GRM5: variants seen among roughly 807,000 people sequenced by gnomAD.
GRM5 encodes glutamate metabotropic receptor 5.
In GRM5, 19 loss-of-function variants were observed where a neutral mutation model predicts 83.1. The observed-to-expected ratio is 0.23, with a 90% CI of 0.16 to 0.34. The LOEUF (loss-of-function observed/expected upper bound fraction) is 0.34, where lower values mean the gene tolerates loss of function less well. GRM5 is among the 10% of genes least tolerant of loss of function. GRM5 has a pLI of 1.00. For missense variants in GRM5, 1,160 were observed against 1,588.3 expected, an observed-to-expected ratio of 0.73 and a Z score of 4.58; for synonymous variants, 675 against 633.6, an observed-to-expected ratio of 1.07 and a Z score of -0.98.
At chr11:88,742,303 T>A (rs991009330) in intron 3 of GRM5, among the ~76,000 whole-genome samples, 2 of 151,948 alleles carry the variant, frequency 1.3e-5, no homozygotes, top group Non-Finnish European at 2.9e-5. Context: ...TTTTCTGAAA[T>A]AAGCAGGAAT....
chr11:88,754,447 G>C (rs1048432085), intron 3 of GRM5, among the ~76,000 whole-genome samples: 5 of 152,024 alleles, frequency 3.3e-5, no homozygotes, highest in Non-Finnish European at 7.4e-5. Context: ...AGTTGAAGAA[G>C]AAAATTAATT....
chr11:88,932,094 T>C (rs1335901310), intron 2 of GRM5, among the ~76,000 whole-genome samples: 1 of 152,070 alleles, frequency 6.6e-6, no homozygotes, highest in Admixed American at 6.6e-5. Context: ...CAAAGTTTTA[T>C]TGGGTGTATA....
chr11:89,014,497 A>G (rs1396335166), intron 2 of GRM5, among the ~76,000 whole-genome samples: 1 of 152,088 alleles, frequency 6.6e-6, no homozygotes, highest in Admixed American at 6.5e-5. Flanking sequence ...CATAGAGAGT[A>G]GAAAAATGGT....
chr11:88,670,133 CTGCAAAGAAG>C, intron 3 of GRM5, among the ~76,000 whole-genome samples: 1 of 151,922 alleles, frequency 6.6e-6, no homozygotes, highest in African/African-American at 2.4e-5. Flanking sequence ...AAAGGCAACA[CTGCAAAGAAG>C]TAGGAAAAAA....
intron 3 of GRM5, among the ~76,000 whole-genome samples, chr11:88,727,405 CAA>C (rs1335844369): frequency 1.3e-5 from 2 of 152,116 alleles, no homozygotes; most frequent in Non-Finnish European, 2.9e-5. Flanking sequence ...AAGAGACCAA[CAA>C]AGAGACTTAG....
intron 3 of GRM5, among the ~76,000 whole-genome samples, chr11:88,826,845 C>T (rs1451523113): frequency 6.6e-6 from 1 of 152,076 alleles, no homozygotes; most frequent in East Asian, 1.9e-4. Flanking sequence ...GAGTGGTAAT[C>T]ACCAACTTTT....
chr11:88,934,950 A>G (rs1175226339), intron 2 of GRM5, among the ~76,000 whole-genome samples: 1 of 151,896 alleles, frequency 6.6e-6, no homozygotes, highest in Non-Finnish European at 1.5e-5. Context: ...AGCAACAGGA[A>G]AGGGCAAATT....
intron 2 of GRM5, among the ~76,000 whole-genome samples, chr11:88,991,705 G>A (rs1222593555): frequency 2.0e-5 from 3 of 151,700 alleles, no homozygotes; most frequent in Admixed American, 1.3e-4. Context: ...CAGAAATAAC[G>A]CCGCATATCT....
At chr11:88,743,474 C>G (rs975514722) in intron 3 of GRM5, among the ~76,000 whole-genome samples, 2 of 152,074 alleles carry the variant, frequency 1.3e-5, no homozygotes, top group African/African-American at 2.4e-5. Context: ...AAATAATTTG[C>G]CTCACTGCTG....
chr11:88,753,010 A>T (rs1591489653), intron 3 of GRM5, among the ~76,000 whole-genome samples: 1 of 152,144 alleles, frequency 6.6e-6, no homozygotes, highest in Non-Finnish European at 1.5e-5. Flanking sequence ...AACCCTAGAA[A>T]AACATCTAGG....
intron 8 of GRM5, among the ~76,000 whole-genome samples, chr11:88,541,666 A>G (rs4753107): frequency 0.43 from 64,889 of 151,982 alleles, 15,591 homozygotes; most frequent in East Asian, 0.69. Context: ...GTTATGAATA[A>G]CTTATATAAC....
At chr11:88,971,895 C>A (rs541612447) in intron 2 of GRM5, among the ~76,000 whole-genome samples, 1 of 152,054 alleles carries the variant, frequency 6.6e-6, no homozygotes, top group Non-Finnish European at 1.5e-5. Flanking sequence ...AGGGAAAATA[C>A]AAGATGATCT....
chr11:88,684,712 A>G (rs1940576889), intron 3 of GRM5, among the ~76,000 whole-genome samples: 1 of 152,164 alleles, frequency 6.6e-6, no homozygotes, highest in Non-Finnish European at 1.5e-5. Flanking sequence ...GATAATTTGA[A>G]TCATGGGGCA....
chr11:88,675,368 G>T (rs184678278), intron 3 of GRM5, among the ~76,000 whole-genome samples: 3 of 152,012 alleles, frequency 2.0e-5, no homozygotes, highest in African/African-American at 7.2e-5. Flanking sequence ...AATTGTTAGA[G>T]AAGAAAGACT....
rs1446172363 is a variant in GRM5 at position 88,775,598 on chromosome 11, C to T, written c.911+74308G>A. 2.6e-5 allele frequency among the ~76,000 whole-genome samples: 4 copies of T among 152,158 alleles called. No individual in the cohort carries two copies. In the East Asian group the frequency reaches 5.8e-4, roughly 22 times the overall value. On this transcript the variant is annotated intron_variant, in intron 3 of 9. Transcript: ENST00000305447. ...ATTTAGTGCTATAAATTTCCCTCTA[C>T]ATACTGCATTAAATGTGTCCCAGAG...
At position 88,959,268 on chromosome 11, in the gene GRM5, T is replaced by C. The variant is rs1055601412; in HGVS notation, c.661+87944A>G. Among the ~76,000 whole-genome samples the C allele has an allele frequency of 1.1e-4, 17 of 151,948 alleles. No homozygotes were observed. In the East Asian group the frequency reaches 1.2e-3, roughly 10 times the overall value. On this transcript the variant is annotated intron_variant, in intron 2 of 9. Coordinates refer to ENST00000305447, the MANE Select transcript of GRM5 (RefSeq NM_001143831.3). Reference sequence around the variant, plus strand: ...TGTTAAGATGATTGTAGCAAATTTATAGAAAAAATAAAAACTGTGATGTCA... The same window carrying C: ...TGTTAAGATGATTGTAGCAAATTTACAGAAAAAATAAAAACTGTGATGTCA...
At chr11:88,642,734 C>G (rs1035687041) in intron 4 of GRM5, among the ~76,000 whole-genome samples, 1 of 152,132 alleles carries the variant, frequency 6.6e-6, no homozygotes, top group Non-Finnish European at 1.5e-5. Context: ...AGGGAATGAA[C>G]AAAATGAGCC....
intron 2 of GRM5, among the ~76,000 whole-genome samples, chr11:88,995,309 G>A (rs570307617): frequency 1.4e-4 from 22 of 152,104 alleles, no homozygotes; most frequent in East Asian, 3.9e-4. Context: ...CACTTCGGGA[G>A]GCCAAGGGAG....
intron 7 of GRM5, among the ~76,000 whole-genome samples, chr11:88,581,806 A>G (rs1284707980): frequency 6.6e-6 from 1 of 152,184 alleles, no homozygotes; most frequent in African/African-American, 2.4e-5. Context: ...ACTTGCTCTG[A>G]ATGTTATATT....
Sources: allele counts gnomAD v4.1 joint callset (sites outside exome capture counted in the v4.1 genomes callset), GRCh38; gene constraint gnomAD v4.1.1; transcripts MANE v1.5; gene names NCBI Gene and HGNC (gene_info 2026-07-23, HGNC 2026-07-21).